SPOCD1: variants seen among roughly 807,000 people sequenced by gnomAD.
The protein encoded by SPOCD1 is SPOC domain-containing protein 1.
A neutral mutation model predicts 92.2 loss-of-function variants in SPOCD1; 64 were observed. That is an observed-to-expected ratio of 0.69 (90% confidence interval 0.57 to 0.86). The LOEUF is 0.86. Ranked by LOEUF, SPOCD1 falls within the 40% of genes least tolerant of loss-of-function variation. SPOCD1 has a pLI of 0.00. For synonymous variants in SPOCD1, 578 were observed against 619.3 expected (o/e 0.93, Z 0.99); for missense variants, 1,360 against 1,543.1 (o/e 0.88, Z 1.99).
At position 31,793,350 on chromosome 1, in the gene SPOCD1, C is replaced by T. The variant is rs752456331; in HGVS notation, c.2613G>A (p.Leu871=). 4 of 1,591,916 alleles carry T rather than the reference C, an allele frequency of 2.5e-6. No homozygotes were observed. Among genetic ancestry groups the T allele is most frequent in the East Asian group, 2.3e-5 (1 of 43,796 alleles). The change falls in exon 13 of 16, where the codon CTG becomes CTA. Residue 871 remains leucine (L), a synonymous_variant. Coordinates refer to ENST00000360482, the MANE Select transcript of SPOCD1 (RefSeq NM_144569.7). ...GGAACCGCTTGATGGAGAACATGTC[C>T]AGAACACCTTCCCAGGGTGGCAGGC... ...LPCLPPWEGV[L]DMFSIKRFRA...
chr1:31,793,728 C>T lies in SPOCD1; in HGVS notation c.2534+19G>A. 1 of 1,613,834 alleles carries T rather than the reference C, an allele frequency of 6.2e-7. No individual in the cohort carries two copies. Among genetic ancestry groups the T allele is most frequent in the South Asian group, 1.1e-5 (1 of 91,080 alleles). ...TCAACCCTGCTGGGTTATCCACCTC[C>T]CTGCTCCCAACCCCACACCTGTCCT... On this transcript the variant is annotated intron_variant, in intron 12 of 15. Coordinates refer to ENST00000360482, the MANE Select transcript of SPOCD1 (RefSeq NM_144569.7).
At position 31,800,622 on chromosome 1, in the gene SPOCD1, G is replaced by C. The variant is rs757803730; in HGVS notation, c.1426-5C>G. The stretch of plus-strand genomic sequence containing the variant: ...GATCACTGGCCCGGAACCCAGCTGC[G>C]GGGGAGATCGCACTTCAGAAGCAAG... On this transcript the variant is annotated splice_polypyrimidine_tract_variant and splice_region_variant and intron_variant, in intron 3 of 15. Coordinates refer to ENST00000360482, the MANE Select transcript of SPOCD1 (RefSeq NM_144569.7). 1.3e-6 allele frequency: 2 copies of C among 1,595,188 alleles called. No homozygotes were observed. Among genetic ancestry groups the C allele is most frequent in the Admixed American group, 1.7e-5 (1 of 58,698 alleles).
chr1:31,800,899 T>C (rs1028699936), intron 3 of SPOCD1, among the ~76,000 whole-genome samples: 2 of 152,156 alleles, frequency 1.3e-5, no homozygotes, highest in Non-Finnish European at 2.9e-5. Context: ...TAACCCCCAG[T>C]CACATTCATA....
intron 2 of SPOCD1, among the ~76,000 whole-genome samples, chr1:31,804,035 G>A (rs1648651310): frequency 1.3e-5 from 2 of 152,138 alleles, no homozygotes; most frequent in African/African-American, 4.8e-5. Context: ...AAAGCTCAGT[G>A]AATCTCAAAC....
intron 14 of SPOCD1, 63 bp downstream of exon 14, chr1:31,792,615 G>A: frequency 7.3e-7 from 1 of 1,370,220 alleles, no homozygotes; most frequent in Non-Finnish European, 1.0e-6. Flanking sequence ...TGCTCTAGAA[G>A]TGGAGAGGGA....
At chr1:31,808,900 C>CA (rs1557829845) in intron 2 of SPOCD1, among the ~76,000 whole-genome samples, 1 of 151,986 alleles carries the variant, frequency 6.6e-6, no homozygotes, top group Non-Finnish European at 1.5e-5. Context: ...AAAACATATG[C>CA]AAAGCACAAA....
intron 9 of SPOCD1, among the ~76,000 whole-genome samples, chr1:31,797,862 C>T (rs1224392911): frequency 6.6e-6 from 1 of 152,162 alleles, no homozygotes; most frequent in Admixed American, 6.5e-5. Context: ...TCCAGGGCAT[C>T]TGAAGCTGGG....
At position 31,798,625 on chromosome 1, in the gene SPOCD1, G is replaced by T; in HGVS notation, c.1869-24C>A. 2 of 1,607,226 alleles carry T rather than the reference G, an allele frequency of 1.2e-6. No homozygotes were observed. Among genetic ancestry groups the T allele is most frequent in the East Asian group, 2.2e-5 (1 of 44,642 alleles). On this transcript the variant is annotated intron_variant, in intron 7 of 15. Transcript: ENST00000360482. The surrounding 1 kb of genome is among the most constrained non-coding windows in gnomAD (Gnocchi z 4.1). ...GGCTGTGGAGGCCAGGGCAGGGCGG[G>T]GGCACTGAGCCCAGGAGGCTCTCCA...
rs1326726626 is a variant in SPOCD1, at chr1:31,814,931, G to C, written c.403C>G (p.Leu135Val). The change falls in exon 2 of 16, where the codon CTT (leucine) becomes GTT (valine). Residue 135 changes from leucine (L) to valine (V), a missense_variant. Leu to Val is a conservative substitution (Grantham distance 32). Coordinates refer to ENST00000360482, the MANE Select transcript of SPOCD1 (RefSeq NM_144569.7). This position sits in a 1 kb window ranked among gnomAD's most constrained non-coding sequence, Gnocchi z 4.2. ...DILDDSCPRK[L>V]CSRSAGLPER... ...GGGAGGCCAGCAGACCTGCTACAAA[G>C]TTTCCTGGGGCAACTGTCATCTAAG... is the stretch of plus-strand genomic sequence containing the variant. 1 of 1,613,810 alleles carries C rather than the reference G, an allele frequency of 6.2e-7. No individual in the cohort carries two copies. The highest frequency in any genetic ancestry group is 1.3e-5 in the African/African-American group (1 of 74,890).
At chr1:31,805,822 T>C (rs781288431) in intron 2 of SPOCD1, among the ~76,000 whole-genome samples, 19 of 152,016 alleles carry the variant, frequency 1.2e-4, no homozygotes, top group South Asian at 2.1e-4. Context: ...AATACAAAAA[T>C]TATCAGACCT....
chr1:31,792,897 G>T, intron 13 of SPOCD1, 130 bp from the exon 14 acceptor site: 1 of 779,666 alleles, frequency 1.3e-6, no homozygotes, highest in Non-Finnish European at 2.2e-6. Flanking sequence ...ACCCTCAGTG[G>T]CTGCCCAGAA....
chr1:31,804,226 G>A (rs1648663326), intron 2 of SPOCD1, among the ~76,000 whole-genome samples: 1 of 152,166 alleles, frequency 6.6e-6, no homozygotes, highest in African/African-American at 2.4e-5. Context: ...ATGAGGTACT[G>A]GTACTGTTAT....
Position 31,790,818 on chromosome 1 carries a change from G to A in SPOCD1, c.3436C>T (p.His1146Tyr), listed in dbSNP as rs982255419. The A allele has an allele frequency of 1.8e-5, 28 of 1,537,240 alleles. No homozygotes were observed. Among genetic ancestry groups the A allele is most frequent in the South Asian group, 2.5e-5 (2 of 81,098 alleles). Residue 1146 changes from histidine (H) to tyrosine (Y), a missense_variant, in exon 16 of 16, where the codon CAC becomes TAC. Physicochemically the swap from His to Tyr is moderately conservative, Grantham distance 83. Transcript: ENST00000360482. The stretch of plus-strand genomic sequence containing the variant: ...TCGAGGTGCCGGAGCAGGGCTTGGT[G>A]GGGACAGGAGTCCCTGTGGAAGTGC... Reference protein sequence around the residue: ...GQHFHRDSCPHQALLRHLESL... With the variant: ...GQHFHRDSCPYQALLRHLESL...
At position 31,790,871 on chromosome 1, in the gene SPOCD1, G is replaced by T. The variant is rs144259120; in HGVS notation, c.3383C>A (p.Pro1128Gln). The stretch of plus-strand genomic sequence containing the variant: ...GCCACGGCCAAAGCCATGACCAGCT[G>T]GTGCTACTGAATAGGGATGCTGGGA... ...RQSQHPYSVA[P>Q]AGHGFGRGQH... The change falls in exon 16 of 16, where the codon CCA (proline) becomes CAA (glutamine). Residue 1128 changes from proline to glutamine, a missense_variant. Pro to Gln is a moderately conservative substitution (Grantham distance 76). This residue lies in a region of SPOCD1 where 614 missense variants were observed against 757.8 expected (regional missense o/e 0.81). Coordinates refer to ENST00000360482, the MANE Select transcript of SPOCD1 (RefSeq NM_144569.7). 27 of 1,575,448 alleles carry T rather than the reference G, an allele frequency of 1.7e-5. No individual in the cohort carries two copies. In the African/African-American group the frequency reaches 3.0e-4, roughly 17 times the overall value.
rs1299526472 is a variant in SPOCD1, at chr1:31,793,408, T to C, written c.2555A>G (p.His852Arg). ...PQDRVPPSGLHVPAAPTKALP... is the reference protein window; with the variant it reads ...PQDRVPPSGLRVPAAPTKALP... ...GGCCTTTGTGGGTGCAGCAGGCACA[T>C]GGAGCCCAGATGGAGGGACCCTAGA... Residue 852 changes from histidine to arginine, a missense_variant, in exon 13 of 16, where the codon CAT (histidine) becomes CGT (arginine). This residue lies in a region of SPOCD1 where 614 missense variants were observed against 757.8 expected (regional missense o/e 0.81). Transcript: ENST00000360482. The C allele has an allele frequency of 3.8e-6, 6 of 1,592,076 alleles. No homozygotes were observed. The highest frequency in any genetic ancestry group is 3.4e-6 in the Non-Finnish European group (4 of 1,169,354).
In SPOCD1 at chr1:31,814,723, C is replaced by T. The variant is rs747960481; in HGVS notation, c.611G>A (p.Arg204Lys). The T allele has an allele frequency of 3.1e-6, 5 of 1,611,696 alleles. No individual in the cohort carries two copies. The Admixed American group carries it at 6.7e-5, about 22-fold the overall frequency. Reference sequence around the variant, plus strand: ...TTGCCTCCTCCATTTCTTTCTTACCCTCACAGGGACTGGGTCTGGTGAGGA... The same window carrying T: ...TTGCCTCCTCCATTTCTTTCTTACCTTCACAGGGACTGGGTCTGGTGAGGA... Reference protein sequence around the residue: ...LTSSPDPVPVRVRKKWRRQGA... With the variant: ...LTSSPDPVPVKVRKKWRRQGA... The change falls in exon 2 of 16, where the codon AGG becomes AAG. Residue 204 changes from arginine (R) to lysine (K), a missense_variant. Physicochemically the swap from Arg to Lys is conservative, Grantham distance 26 (BLOSUM62 2). Coordinates refer to ENST00000360482, the MANE Select transcript of SPOCD1 (RefSeq NM_144569.7). The surrounding 1 kb of genome is among the most constrained non-coding windows in gnomAD (Gnocchi z 4.2).
intron 10 of SPOCD1, chr1:31,795,362 C>G (rs1355284112): frequency 6.6e-6 from 1 of 152,228 alleles, no homozygotes; most frequent in Admixed American, 6.5e-5. Flanking sequence ...ACCTTGGTGC[C>G]AGGTTCCTCA....
At position 31,814,456 on chromosome 1, in the gene SPOCD1, TC is replaced by T; in HGVS notation, c.877del (p.Asp293MetfsTer133). 1 of 1,591,550 alleles carries T rather than the reference TC, an allele frequency of 6.3e-7. No individual in the cohort carries two copies. The highest frequency in any genetic ancestry group is 1.3e-5 in the African/African-American group (1 of 74,334). On this transcript the variant is annotated frameshift_variant, in exon 2 of 16. Coordinates refer to ENST00000360482, the MANE Select transcript of SPOCD1 (RefSeq NM_144569.7). LOFTEE classifies it high-confidence loss of function. The surrounding 1 kb of genome is among the most constrained non-coding windows in gnomAD (Gnocchi z 4.2). ...ACAGGGGCTGCCTGGCTGGGGCCCA[TC>T]CCCTGTAGCGGGCAAATATCCAAAT... The part of the protein sequence containing the change: ...EKFGYLPATG[D>X]GPQPGSPCGP...
chr1:31,798,176 C>T lies in SPOCD1; in HGVS notation c.2145+31G>A. 6.4e-7 allele frequency: 1 copy of T among 1,559,554 alleles called. No individual in the cohort carries two copies. The highest frequency in any genetic ancestry group is 8.8e-7 in the Non-Finnish European group (1 of 1,130,366). ...GCCACCCACTCTGCCCCTACATCCC[C>T]TCACCCATCCCGACTGGGCTCAGCA... On this transcript the variant is annotated intron_variant, in intron 9 of 15. Transcript: ENST00000360482. The surrounding 1 kb of genome is among the most constrained non-coding windows in gnomAD (Gnocchi z 4.1).
Sources: allele counts gnomAD v4.1 joint callset (sites outside exome capture counted in the v4.1 genomes callset), GRCh38; gene constraint gnomAD v4.1.1; regional missense constraint gnomAD v4.1.1; non-coding constraint Gnocchi (gnomAD v3.1); transcripts MANE v1.5; gene names NCBI Gene and HGNC (gene_info 2026-07-23, HGNC 2026-07-21).